Variants in OCA2 observed in about 807,000 individuals in gnomAD.
OCA2 encodes the protein OCA2 melanosomal transmembrane protein.
Under a neutral mutation model 100.2 loss-of-function variants are expected in OCA2, and 77 were observed. The ratio of observed to expected loss-of-function variants is 0.77; its 90% CI spans 0.64 to 0.93. The LOEUF (loss-of-function observed/expected upper bound fraction) is 0.93. Among genes scored for constraint, OCA2 ranks in the 40% least tolerant of loss-of-function variants. The pLI is 0.00. For missense variants in OCA2, 1,062 were observed against 1,089.1 expected, an observed-to-expected ratio of 0.98 and a Z score of 0.35; for synonymous variants, 432 against 439.2, an observed-to-expected ratio of 0.98 and a Z score of 0.21.
chr15:27,875,163 T>C (rs933059789), intron 19 of OCA2, among the ~76,000 whole-genome samples: 1 of 152,150 alleles, frequency 6.6e-6, no homozygotes, highest in Non-Finnish European at 1.5e-5. Context: ...AATAAACAGA[T>C]AATGGAGTAA....
intron 15 of OCA2, among the ~76,000 whole-genome samples, chr15:27,966,217 C>T (rs1304314650): frequency 1.3e-5 from 2 of 152,164 alleles, no homozygotes; most frequent in Admixed American, 6.5e-5. Context: ...TCAGGTGATC[C>T]GCCCACCTTG....
intron 2 of OCA2, among the ~76,000 whole-genome samples, chr15:28,040,031 CAAAA>C (rs57662493): frequency 4.7e-5 from 5 of 106,982 alleles, no homozygotes; most frequent in Admixed American, 9.6e-5. Flanking sequence ...GACTCCATCT[CAAAA>C]AAAAAAAAAA....
chr15:28,007,081 C>T (rs1401117686), intron 9 of OCA2, among the ~76,000 whole-genome samples: 2 of 152,150 alleles, frequency 1.3e-5, no homozygotes, highest in African/African-American at 2.4e-5. Flanking sequence ...TACACAAAGG[C>T]TGCATCATTT....
chr15:27,821,277 C>G (rs2034491415), intron 23 of OCA2, among the ~76,000 whole-genome samples: 1 of 152,038 alleles, frequency 6.6e-6, no homozygotes, highest in East Asian at 1.9e-4. Context: ...TCTGGTAATT[C>G]TGCTGCTACC....
At chr15:27,830,173 G>C (rs1249968260) in intron 23 of OCA2, among the ~76,000 whole-genome samples, 5 of 152,170 alleles carry the variant, frequency 3.3e-5, no homozygotes, top group Non-Finnish European at 7.3e-5. Flanking sequence ...ATTTAAACAT[G>C]ATGGTATGTC....
chr15:28,014,319 G>T (rs796876802), intron 9 of OCA2, among the ~76,000 whole-genome samples: 1 of 152,188 alleles, frequency 6.6e-6, no homozygotes, highest in African/African-American at 2.4e-5. Flanking sequence ...TTGGTAGACG[G>T]AACAGATAAT....
rs560544701 is a variant in OCA2, at chr15:27,831,253, T to G, written c.2432+13706A>C. On this transcript the variant is annotated intron_variant, in intron 23 of 23. Coordinates refer to ENST00000354638, the MANE Select transcript of OCA2 (RefSeq NM_000275.3). ...GCGAGCCGAGATTGTGCCACTGCAC[T>G]CCAGCCTGGTGACAGAGCGAGACTC... 4.9e-5 allele frequency among the ~76,000 whole-genome samples: 6 copies of G among 121,904 alleles called. No individual in the cohort carries two copies. The East Asian group carries it at 1.5e-3, about 31-fold the overall frequency. The allele number at this position is 121,904 out of a possible 152,430, so 80.0% of individuals were successfully genotyped here.
At chr15:27,947,324 C>A (rs976491697) in intron 18 of OCA2, among the ~76,000 whole-genome samples, 5 of 152,348 alleles carry the variant, frequency 3.3e-5, no homozygotes, top group Admixed American at 2.6e-4. Context: ...GCAGAGCCAG[C>A]GCCCAGGCTG....
intron 15 of OCA2, among the ~76,000 whole-genome samples, chr15:27,963,898 C>G (rs1028286822): frequency 6.6e-6 from 1 of 152,014 alleles, no homozygotes; most frequent in South Asian, 2.1e-4. Flanking sequence ...CTACCAACAT[C>G]AGGAATGAGA....
chr15:28,091,771 C>A (rs1366569987), intron 1 of OCA2, among the ~76,000 whole-genome samples: 3 of 152,012 alleles, frequency 2.0e-5, no homozygotes, highest in Non-Finnish European at 4.4e-5. Flanking sequence ...GCCTGGCCAA[C>A]ACGGCGAAAC....
chr15:28,023,628 C>T (rs2042661412), intron 5 of OCA2, among the ~76,000 whole-genome samples: 1 of 152,232 alleles, frequency 6.6e-6, no homozygotes, highest in East Asian at 1.9e-4. Flanking sequence ...TTGCCCACAA[C>T]CACAGTCACA....
intron 2 of OCA2, among the ~76,000 whole-genome samples, chr15:28,053,502 G>T (rs1348891994): frequency 6.6e-6 from 1 of 152,130 alleles, no homozygotes; most frequent in Non-Finnish European, 1.5e-5. Flanking sequence ...ATTTCTCAAG[G>T]CATCACCCAC....
chr15:27,961,796 C>T (rs1048046977), intron 15 of OCA2, among the ~76,000 whole-genome samples: 5 of 151,084 alleles, frequency 3.3e-5, no homozygotes, highest in East Asian at 1.9e-4. Context: ...CGGGGGCTGT[C>T]GGAGGGTTGG....
chr15:28,057,283 C>T (rs2043731485), intron 2 of OCA2, among the ~76,000 whole-genome samples: 1 of 152,150 alleles, frequency 6.6e-6, no homozygotes, highest in Admixed American at 6.5e-5. Flanking sequence ...TTTTGATCCA[C>T]AAGAACACCT....
the OCA2 span, among the ~76,000 whole-genome samples, chr15:27,729,289 A>ATTTTTTTTTTTTTTTTTTTTTT: frequency 9.0e-6 from 1 of 111,218 alleles, no homozygotes; most frequent in African/African-American, 3.2e-5. Flanking sequence ...ATTATCATCT[A>ATTTTTTTTTTTTTTTTTTTTTT]TTTTTTTTTT....
intron 9 of OCA2, among the ~76,000 whole-genome samples, chr15:28,002,805 T>A (rs940589995): frequency 4.6e-5 from 7 of 152,224 alleles, no homozygotes; most frequent in Admixed American, 1.3e-4. Context: ...CATTATTGTG[T>A]GTTATCTGAT....
the OCA2 span, among the ~76,000 whole-genome samples, chr15:27,730,493 C>G: frequency 1.3e-5 from 2 of 151,996 alleles, no homozygotes; most frequent in Non-Finnish European, 2.9e-5. Context: ...TTGATTAAAT[C>G]ACTGGCCATT....
At chr15:27,818,400 A>T (rs934703394) in intron 23 of OCA2, among the ~76,000 whole-genome samples, 16 of 152,202 alleles carry the variant, frequency 1.1e-4, no homozygotes, top group Non-Finnish European at 2.1e-4. Context: ...AAAAATAAAT[A>T]AATTAATAAA....
At chr15:27,932,723 C>G (rs867435283) in intron 18 of OCA2, among the ~76,000 whole-genome samples, 22 of 152,300 alleles carry the variant, frequency 1.4e-4, no homozygotes, top group Middle Eastern at 6.8e-3. Context: ...TCAAATCAAT[C>G]TGTGTCAAAA....
Sources: allele counts gnomAD v4.1 joint callset (sites outside exome capture counted in the v4.1 genomes callset), GRCh38; gene constraint gnomAD v4.1.1; transcripts MANE v1.5; gene names NCBI Gene and HGNC (gene_info 2026-07-23, HGNC 2026-07-21).